Variants in GLI3 observed in about 807,000 individuals in gnomAD.
GLI3 encodes the protein GLI family zinc finger 3.
Under a neutral mutation model 100.8 loss-of-function variants are expected in GLI3, and 20 were observed. The observed-to-expected ratio is 0.20, with a 90% CI of 0.14 to 0.29. GLI3 has a LOEUF of 0.29. GLI3 is among the 10% of genes least tolerant of loss of function. GLI3 has a pLI of 1.00. For missense variants in GLI3, 2,040 were observed against 2,128.5 expected (o/e 0.96, Z 0.82); for synonymous variants, 938 against 860.5 (o/e 1.09, Z -1.58).
intron 10 of GLI3, among the ~76,000 whole-genome samples, chr7:42,001,046 A>G (rs886474291): frequency 1.3e-5 from 2 of 151,994 alleles, no homozygotes; most frequent in Non-Finnish European, 2.9e-5. Flanking sequence ...GGAGTTTGAG[A>G]CCAGCCTGGC....
At chr7:42,071,161 G>T (rs190676385) in intron 4 of GLI3, among the ~76,000 whole-genome samples, 1 of 152,148 alleles carries the variant, frequency 6.6e-6, no homozygotes, top group South Asian at 2.1e-4. Flanking sequence ...TACACAGATC[G>T]TCTTCACCCT....
intron 3 of GLI3, among the ~76,000 whole-genome samples, chr7:42,118,868 T>G (rs1363294361): frequency 2.6e-5 from 4 of 152,240 alleles, no homozygotes; most frequent in African/African-American, 9.6e-5. Context: ...AATCACTGTT[T>G]TGAAAGAGAA....
chr7:42,054,101 G>C (rs2128744530), intron 4 of GLI3, among the ~76,000 whole-genome samples: 1 of 152,262 alleles, frequency 6.6e-6, no homozygotes, highest in South Asian at 2.1e-4. Context: ...GTATTGCCCA[G>C]TGGAAACTGT....
chr7:42,187,449 T>C (rs1189783000), intron 2 of GLI3, among the ~76,000 whole-genome samples: 1 of 152,144 alleles, frequency 6.6e-6, no homozygotes, highest in Admixed American at 6.5e-5. Context: ...TGAAAGTTCA[T>C]TTATCATCAT....
intron 2 of GLI3, among the ~76,000 whole-genome samples, chr7:42,192,943 G>A (rs1373814213): frequency 6.6e-6 from 1 of 152,126 alleles, no homozygotes; most frequent in Non-Finnish European, 1.5e-5. Flanking sequence ...CTCCAGCCTT[G>A]CACAGACCAC....
intron 3 of GLI3, among the ~76,000 whole-genome samples, chr7:42,086,761 G>C (rs2128754988): frequency 6.6e-6 from 1 of 152,218 alleles, no homozygotes; most frequent in South Asian, 2.1e-4. Context: ...CATAATTCAG[G>C]TTGGCCAGAA....
chr7:42,198,512 G>C (rs1202600474), intron 2 of GLI3, among the ~76,000 whole-genome samples: 1 of 152,026 alleles, frequency 6.6e-6, no homozygotes, highest in East Asian at 1.9e-4. Context: ...CCGGGGATGT[G>C]GGAGGACTGC....
At chr7:42,263,594 G>A (rs1040094626) in intron 1 of GLI3, among the ~76,000 whole-genome samples, 3 of 151,942 alleles carry the variant, frequency 2.0e-5, no homozygotes, top group Non-Finnish European at 2.9e-5. Context: ...TTACAGGAGC[G>A]TGCCACCATG....
chr7:41,962,627 C>T lies in GLI3; in HGVS notation c.*1703G>A, dbSNP rs997186467. On this transcript the variant is annotated 3_prime_UTR_variant, in exon 15 of 15. Coordinates refer to ENST00000395925, the MANE Select transcript of GLI3 (RefSeq NM_000168.6). The stretch of plus-strand genomic sequence containing the variant: ...TTAGCCAAAGTCCCCAGTGGCAAAT[C>T]AACCTCCATGCGGAGATTCTTGGTC... 1 of 152,182 alleles carries T rather than the reference C, an allele frequency of 6.6e-6. No individual in the cohort carries two copies. The highest frequency in any genetic ancestry group is 2.4e-5 in the African/African-American group (1 of 41,452). 9.4% of individuals were successfully genotyped at this position (152,182 alleles called of 1,614,324 possible).
At chr7:42,145,995 C>T (rs935099025) in intron 3 of GLI3, among the ~76,000 whole-genome samples, 3 of 152,096 alleles carry the variant, frequency 2.0e-5, no homozygotes, top group Non-Finnish European at 2.9e-5. Flanking sequence ...GGACCTTGAA[C>T]CCAAATTCCC....
intron 2 of GLI3, among the ~76,000 whole-genome samples, chr7:42,208,820 T>C (rs1788207209): frequency 6.6e-6 from 1 of 152,172 alleles, no homozygotes; most frequent in Admixed American, 6.5e-5. Flanking sequence ...AAAATGTTCC[T>C]TCTGGCTGCC....
intron 3 of GLI3, among the ~76,000 whole-genome samples, chr7:42,084,898 A>ATTATTTTT (rs1373503796): frequency 1.1e-5 from 1 of 91,896 alleles, no homozygotes; most frequent in Admixed American, 1.2e-4. Context: ...ATGCATTTGG[A>ATTATTTTT]TTCTTTTTTT....
At chr7:42,140,951 G>A (rs550776357) in intron 3 of GLI3, among the ~76,000 whole-genome samples, 1 of 152,248 alleles carries the variant, frequency 6.6e-6, no homozygotes, top group African/African-American at 2.4e-5. Flanking sequence ...GAAACAGGGA[G>A]GGAAAGGACG....
chr7:42,104,828 G>T (rs1251698573), intron 3 of GLI3, among the ~76,000 whole-genome samples: 1 of 152,130 alleles, frequency 6.6e-6, no homozygotes, highest in African/African-American at 2.4e-5. Context: ...ACCACGTGAG[G>T]ACACAGTGAG....
In GLI3 at chr7:42,076,827, G is replaced by A; in HGVS notation, c.398C>T (p.Pro133Leu). Residue 133 changes from proline to leucine, a missense_variant, in exon 4 of 15, where the codon CCT (proline) becomes CTT (leucine). By Grantham distance (98) the Pro-to-Leu change is moderately conservative. Transcript: ENST00000395925. ...HPPHLFPAFH[P>L]PVPIDARHHE... Reference sequence around the variant, plus strand: ...ATGTCTGGCATCAATTGGTACAGGAGGATGGAAGGCAGGGAAAAGATGAGG... The same window carrying A: ...ATGTCTGGCATCAATTGGTACAGGAAGATGGAAGGCAGGGAAAAGATGAGG... 1 of 1,612,906 alleles carries A rather than the reference G, an allele frequency of 6.2e-7. No homozygotes were observed. Among genetic ancestry groups the A allele is most frequent in the South Asian group, 1.1e-5 (1 of 91,044 alleles).
chr7:42,089,475 A>C (rs1161500058), intron 3 of GLI3, among the ~76,000 whole-genome samples: 1 of 152,232 alleles, frequency 6.6e-6, no homozygotes, highest in Non-Finnish European at 1.5e-5. Context: ...ACCAATATAT[A>C]CTTGTACAGA....
chr7:42,246,803 A>ATTT (rs1198985258), intron 1 of GLI3, among the ~76,000 whole-genome samples: 5 of 63,360 alleles, frequency 7.9e-5, no homozygotes, highest in Admixed American at 4.6e-4. Context: ...GGATGATAGA[A>ATTT]TCTTTTTTTT....
intron 2 of GLI3, among the ~76,000 whole-genome samples, chr7:42,216,651 A>C (rs1437129098): frequency 6.6e-6 from 1 of 152,190 alleles, no homozygotes; most frequent in East Asian, 1.9e-4. Flanking sequence ...CTAAAACATG[A>C]AGTCTATTAC....
intron 2 of GLI3, among the ~76,000 whole-genome samples, chr7:42,155,526 T>A (rs1786982262): frequency 6.6e-6 from 1 of 151,966 alleles, no homozygotes; most frequent in Non-Finnish European, 1.5e-5. Flanking sequence ...ACTGTTCTTT[T>A]TACCAAAGAA....
Sources: allele counts gnomAD v4.1 joint callset (sites outside exome capture counted in the v4.1 genomes callset), GRCh38; gene constraint gnomAD v4.1.1; transcripts MANE v1.5; gene names NCBI Gene and HGNC (gene_info 2026-07-23, HGNC 2026-07-21).